Variants in COA1 observed in about 807,000 individuals in gnomAD.
COA1 encodes the protein cytochrome c oxidase assembly factor 1 homolog.
Under a neutral mutation model 16.0 loss-of-function variants are expected in COA1, and 13 were observed. That is an observed-to-expected ratio of 0.81 (90% CI 0.53 to 1.29). COA1 has a LOEUF of 1.29. COA1 is among the 50% of genes most tolerant of loss of function. The pLI is 0.00. For synonymous variants in COA1, 65 were observed against 65.7 expected (o/e 0.99, Z 0.05); for missense variants, 179 against 177.0 (o/e 1.01, Z -0.06).
chr7:43,680,638 A>G (rs2093725974), intron 1 of COA1, among the ~76,000 whole-genome samples: 1 of 152,216 alleles, frequency 6.6e-6, no homozygotes, highest in South Asian at 2.1e-4. Context: ...TTTGCCTACA[A>G]TAAGCCTACG....
intron 1 of COA1, among the ~76,000 whole-genome samples, chr7:43,675,595 T>TATA (rs1268646138): frequency 3.9e-5 from 6 of 152,186 alleles, no homozygotes; most frequent in African/African-American, 1.4e-4. Flanking sequence ...AAACTTAAAG[T>TATA]ATAATAATAA....
chr7:43,699,176 T>C (rs978095227), intron 1 of COA1, among the ~76,000 whole-genome samples: 3 of 151,926 alleles, frequency 2.0e-5, no homozygotes, highest in Admixed American at 6.6e-5. Context: ...CCCTTAAAAA[T>C]GAACCCTGCA....
At chr7:43,656,584 C>T (rs1027359242) in intron 1 of COA1, among the ~76,000 whole-genome samples, 6 of 152,156 alleles carry the variant, frequency 3.9e-5, no homozygotes, top group Non-Finnish European at 5.9e-5. Flanking sequence ...ATCCCAGCTA[C>T]TCGGGAGGCT....
intron 6 of COA1, chr7:43,623,666 G>A (rs1481042487): frequency 6.2e-7 from 1 of 1,606,362 alleles, no homozygotes; most frequent in Admixed American, 1.7e-5. Flanking sequence ...TTCAAGAAAT[G>A]AGTATGGTAC....
At chr7:43,628,976 A>G (rs1400882087) in intron 6 of COA1, among the ~76,000 whole-genome samples, 1 of 152,214 alleles carries the variant, frequency 6.6e-6, no homozygotes, top group African/African-American at 2.4e-5. Flanking sequence ...TCTTAGGAGT[A>G]TGATAGTTGT....
chr7:43,673,263 C>T (rs1432881417), intron 1 of COA1, among the ~76,000 whole-genome samples: 1 of 152,170 alleles, frequency 6.6e-6, no homozygotes, highest in African/African-American at 2.4e-5. Context: ...ATGCATCCAA[C>T]AACGGTCTAA....
At chr7:43,704,599 T>C (rs2094895932) in intron 1 of COA1, among the ~76,000 whole-genome samples, 1 of 152,236 alleles carries the variant, frequency 6.6e-6, no homozygotes, top group Non-Finnish European at 1.5e-5. Context: ...GCTTGATCTA[T>C]TCTGTTATTA....
intron 1 of COA1, among the ~76,000 whole-genome samples, chr7:43,656,626 C>G (rs992063184): frequency 5.3e-5 from 8 of 152,160 alleles, no homozygotes; most frequent in African/African-American, 1.9e-4. Context: ...ACCCAAGAGG[C>G]AGAGGTTTGC....
At position 43,691,286 on chromosome 7, in the gene COA1, AAAGAAAG is replaced by A. The variant is rs1563381724; in HGVS notation, c.-39+38136_-39+38142del. ...AAAGAAAAGAAAGAAAGAAAGAAAG[AAAGAAAG>A]AAAGAAAGAAAGAAAGAAAGAAAGA... On this transcript the variant is annotated intron_variant, in intron 1 of 5. Transcript: ENST00000223336. 3.2e-4 allele frequency among the ~76,000 whole-genome samples: 17 copies of A among 52,472 alleles called. No homozygotes were observed. The East Asian group carries it at 3.2e-3, about 10-fold the overall frequency. The allele number at this position is 52,472 out of a possible 152,430, so 34.4% of individuals were successfully genotyped here.
downstream of COA1, among the ~76,000 whole-genome samples, chr7:43,635,794 A>AT (rs1402613184): frequency 2.0e-5 from 3 of 152,252 alleles, no homozygotes; most frequent in African/African-American, 7.2e-5. Context: ...TTTCATAAAA[A>AT]TAATTTGGAA....
chr7:43,699,563 C>T (rs1180422842), intron 1 of COA1, among the ~76,000 whole-genome samples: 1 of 152,056 alleles, frequency 6.6e-6, no homozygotes, highest in African/African-American at 2.4e-5. Flanking sequence ...CTAACACAGA[C>T]AGCAAAACTG....
intron 6 of COA1, among the ~76,000 whole-genome samples, chr7:43,628,610 A>G (rs1442195730): frequency 6.6e-6 from 1 of 152,158 alleles, no homozygotes; most frequent in Non-Finnish European, 1.5e-5. Context: ...CTTGCCGACA[A>G]TTGGTATTGT....
At chr7:43,656,665 C>T (rs1443625952) in intron 1 of COA1, among the ~76,000 whole-genome samples, 1 of 152,134 alleles carries the variant, frequency 6.6e-6, no homozygotes, top group Non-Finnish European at 1.5e-5. Flanking sequence ...TGCTGCACTC[C>T]AGCATGGCTA....
rs992627332 is a variant in COA1, at chr7:43,639,468, G to A, written c.*114C>T. Reference sequence around the variant, plus strand: ...ACATACCATCATCCCACTGGTGGCTGGAAAACTGGGTTGCAGGAGTGTCTG... The same window carrying A: ...ACATACCATCATCCCACTGGTGGCTAGAAAACTGGGTTGCAGGAGTGTCTG... On this transcript the variant is annotated 3_prime_UTR_variant, in exon 6 of 6. Coordinates refer to ENST00000223336, the MANE Select transcript of COA1 (RefSeq NM_018224.4). 1.3e-6 allele frequency: 1 copy of A among 777,954 alleles called. No homozygotes were observed. Among genetic ancestry groups the A allele is most frequent in the African/African-American group, 1.7e-5 (1 of 58,120 alleles). 48.2% of individuals were successfully genotyped at this position (777,954 alleles called of 1,614,324 possible).
chr7:43,677,347 C>A (rs1011807348), intron 1 of COA1, among the ~76,000 whole-genome samples: 2 of 151,976 alleles, frequency 1.3e-5, no homozygotes, highest in Non-Finnish European at 2.9e-5. Context: ...ACTCTAACAC[C>A]GTTTATTTAA....
At chr7:43,708,717 A>G (rs1245821726) in intron 1 of COA1, among the ~76,000 whole-genome samples, 3 of 151,626 alleles carry the variant, frequency 2.0e-5, no homozygotes, top group Non-Finnish European at 4.4e-5. Context: ...TCTCTTACCC[A>G]TTATTCTATT....
chr7:43,622,230 C>T (rs935264846), intron 6 of COA1: 8 of 152,060 alleles, frequency 5.3e-5, no homozygotes, highest in African/African-American at 1.9e-4. Context: ...TTTTAATTTC[C>T]TAGTCACTTC....
chr7:43,660,564 GTTAA>G (rs1188574745), intron 1 of COA1, among the ~76,000 whole-genome samples: 1 of 152,174 alleles, frequency 6.6e-6, no homozygotes, highest in East Asian at 1.9e-4. Flanking sequence ...TGAGATTTGG[GTTAA>G]TTGTGAGAGC....
chr7:43,680,854 G>A (rs956486993), intron 1 of COA1, among the ~76,000 whole-genome samples: 4 of 151,984 alleles, frequency 2.6e-5, no homozygotes, highest in Non-Finnish European at 2.9e-5. Context: ...GCCTGTAGTT[G>A]CAGCTACTCG....
Sources: gnomAD v4.1 joint callset for allele counts (sites outside exome capture counted in the v4.1 genomes callset) on GRCh38, gnomAD v4.1.1 for gene constraint, MANE v1.5 for transcripts, NCBI Gene and HGNC (gene_info 2026-07-23, HGNC 2026-07-21) for gene names.